Variants in NRG1 observed in about 807,000 individuals in gnomAD.
NRG1 encodes the protein pro-neuregulin-1, membrane-bound isoform.
A neutral mutation model predicts 63.8 loss-of-function variants in NRG1; 18 were observed. The observed-to-expected ratio is 0.28, with a 90% CI of 0.19 to 0.42. The LOEUF is 0.42. Ranked by LOEUF, NRG1 falls within the 10% of genes least tolerant of loss-of-function variation. The probability of loss-of-function intolerance (pLI) is 1.00; values close to 1 mark genes in which losing one functional copy is unlikely to be tolerated. For synonymous variants in NRG1, 302 were observed against 301.3 expected, an observed-to-expected ratio of 1.00 and a Z score of -0.02; for missense variants, 762 against 814.7, an observed-to-expected ratio of 0.94 and a Z score of 0.79.
rs1338159390 is a variant in NRG1 at position 31,767,559 on chromosome 8, A to T, written c.37+128128A>T. On this transcript the variant is annotated intron_variant, in intron 1 of 10. Transcript: ENST00000519301. ...AAAATAGTACAATTAAGAAAACCTT[A>T]GCCAGCACGGTGGCTCTTGCCTATA... 2.6e-5 allele frequency among the ~76,000 whole-genome samples: 4 copies of T among 152,108 alleles called. No individual in the cohort carries two copies. The East Asian group carries it at 5.8e-4, about 22-fold the overall frequency.
intron 1 of NRG1, among the ~76,000 whole-genome samples, chr8:32,579,980 C>T (rs1253784503): frequency 2.0e-5 from 3 of 152,126 alleles, no homozygotes; most frequent in African/African-American, 7.2e-5. Flanking sequence ...TCCTCTTTAA[C>T]TGCACCAAGG....
At chr8:31,920,588 G>A (rs1318019612) in intron 1 of NRG1, among the ~76,000 whole-genome samples, 3 of 152,122 alleles carry the variant, frequency 2.0e-5, no homozygotes, top group Non-Finnish European at 2.9e-5. Flanking sequence ...CTCCTGGGAA[G>A]CCTTATGTTA....
chr8:32,141,363 G>T (rs1381400003), intron 1 of NRG1, among the ~76,000 whole-genome samples: 5 of 151,664 alleles, frequency 3.3e-5, no homozygotes, highest in Non-Finnish European at 4.4e-5. Context: ...ATATTAGTAG[G>T]TTAGTTAGTA....
intron 1 of NRG1, among the ~76,000 whole-genome samples, chr8:32,057,869 G>A (rs1823218398): frequency 6.6e-6 from 1 of 152,016 alleles, no homozygotes; most frequent in Admixed American, 6.6e-5. Flanking sequence ...CTTACCCTCA[G>A]GTTCCCAGTA....
intron 1 of NRG1, among the ~76,000 whole-genome samples, chr8:31,820,247 C>T (rs1419651703): frequency 2.6e-5 from 4 of 152,130 alleles, no homozygotes; most frequent in Non-Finnish European, 5.9e-5. Context: ...AGTGTTGCAC[C>T]GCATGAGAGG....
At chr8:32,495,269 A>G (rs13253476) in intron 1 of NRG1, among the ~76,000 whole-genome samples, 1 of 152,140 alleles carries the variant, frequency 6.6e-6, no homozygotes, top group East Asian at 1.9e-4. Context: ...GTGATAGTCA[A>G]TAAGTCTCAC....
At chr8:32,763,724 G>A (rs776432189) in intron 11 of NRG1, 24 bp from the exon 12 acceptor site, 8 of 1,521,644 alleles carry the variant, frequency 5.3e-6, no homozygotes, top group Non-Finnish European at 7.0e-6. Flanking sequence ...CCACACTTAT[G>A]CAGGGTATTC....
intron 1 of NRG1, among the ~76,000 whole-genome samples, chr8:32,038,131 G>A (rs957037597): frequency 2.0e-5 from 3 of 152,260 alleles, no homozygotes; most frequent in Admixed American, 6.5e-5. Context: ...CCTTGGTGGT[G>A]TGGGCTCACA....
chr8:32,608,074 T>A (rs369068830), intron 3 of NRG1, among the ~76,000 whole-genome samples: 3 of 149,724 alleles, frequency 2.0e-5, no homozygotes, highest in African/African-American at 4.9e-5. Context: ...AAAGGAGATA[T>A]GAACCCAGGT....
chr8:32,609,851 C>G (rs1376006632), intron 3 of NRG1, among the ~76,000 whole-genome samples: 1 of 151,178 alleles, frequency 6.6e-6, no homozygotes, highest in African/African-American at 2.4e-5. Flanking sequence ...TTTTGTATTT[C>G]TTGTAGACAA....
intron 1 of NRG1, among the ~76,000 whole-genome samples, chr8:31,977,762 G>C (rs960570602): frequency 2.6e-5 from 4 of 152,068 alleles, no homozygotes; most frequent in Admixed American, 2.6e-4. Context: ...TCTTTCACCA[G>C]GTATCGATAT....
In NRG1 at chr8:32,596,599, CA is replaced by C. The variant is rs5890663; in HGVS notation, c.278+608del. Among the ~76,000 whole-genome samples, 523 of 139,174 alleles carry C rather than the reference CA, an allele frequency of 3.8e-3. 3 individuals are homozygous for C. The highest frequency in any genetic ancestry group is 0.013 in the African/African-American group (480 of 37,358). 91.3% of individuals were successfully genotyped at this position (139,174 alleles called of 152,430 possible). A position where few individuals can be genotyped will look rare whatever the true frequency, so the allele number is the denominator to read the frequency against. ...TGGGCAACAGAGCGAGACTCCATCT[CA>C]AAAAAAAAAAAAATGCAATTTCTTT... On this transcript the variant is annotated intron_variant, in intron 2 of 11. Transcript: ENST00000356819.
chr8:32,002,837 T>A (rs767567145), intron 1 of NRG1, among the ~76,000 whole-genome samples: 1 of 152,118 alleles, frequency 6.6e-6, no homozygotes, highest in Non-Finnish European at 1.5e-5. Context: ...CATGAGTACA[T>A]TTTGGTGTTT....
intron 1 of NRG1, among the ~76,000 whole-genome samples, chr8:31,971,522 A>T (rs537736346): frequency 1.2e-3 from 183 of 152,232 alleles, no homozygotes; most frequent in African/African-American, 4.1e-3. Context: ...GCATTTAATA[A>T]TCTTTTCTGA....
intron 1 of NRG1, among the ~76,000 whole-genome samples, chr8:31,891,945 AC>A (rs1307414819): frequency 2.2e-4 from 34 of 152,254 alleles, no homozygotes; most frequent in African/African-American, 8.2e-4. Context: ...CCACTTTGAA[AC>A]CATAAAATTA....
rs566431359 is a variant in NRG1 at position 32,465,839 on chromosome 8, G to C, written c.38-129989G>C. 3.3e-5 allele frequency among the ~76,000 whole-genome samples: 5 copies of C among 152,102 alleles called. No homozygotes were observed. The South Asian group carries it at 1.0e-3, about 32-fold the overall frequency. On this transcript the variant is annotated intron_variant, in intron 1 of 10. Coordinates refer to the NRG1 transcript ENST00000519301. The stretch of plus-strand genomic sequence containing the variant: ...TTTTACAGTCATGTAATCATGGAGA[G>C]AAATACTTCAGATAAATTAACATAA...
At chr8:32,353,952 T>G (rs1805988410) in intron 1 of NRG1, among the ~76,000 whole-genome samples, 1 of 152,138 alleles carries the variant, frequency 6.6e-6, no homozygotes, top group African/African-American at 2.4e-5. Flanking sequence ...ATAAACAAAT[T>G]GCGGCATATA....
chr8:32,520,529 T>C (rs1488736804), intron 1 of NRG1, among the ~76,000 whole-genome samples: 1 of 152,090 alleles, frequency 6.6e-6, no homozygotes. Flanking sequence ...GAAATTAAAA[T>C]GAGATATGTA....
chr8:31,954,654 T>G (rs548770050), intron 1 of NRG1, among the ~76,000 whole-genome samples: 1 of 152,312 alleles, frequency 6.6e-6, no homozygotes, highest in Non-Finnish European at 1.5e-5. Flanking sequence ...CTATATCTCT[T>G]AACCCCACAT....
Sources: gnomAD v4.1 joint callset for allele counts (sites outside exome capture counted in the v4.1 genomes callset) on GRCh38, gnomAD v4.1.1 for gene constraint, MANE v1.5 for transcripts, NCBI Gene and HGNC (gene_info 2026-07-23, HGNC 2026-07-21) for gene names.